The following EYS variants were observed in gnomAD, a reference collection of about 807,000 sequenced individuals.
EYS encodes protein eyes shut homolog.
In EYS, 250 loss-of-function variants were observed where a neutral mutation model predicts 282.1. That is an observed-to-expected ratio of 0.89 (90% CI 0.80 to 0.98). The LOEUF (loss-of-function observed/expected upper bound fraction) is 0.98. EYS is among the 50% of genes least tolerant of loss of function. EYS has a pLI of 0.00. For missense variants in EYS, 4,016 were observed against 3,709.0 expected (o/e 1.08, Z -2.15); for synonymous variants, 1,355 against 1,282.9 (o/e 1.06, Z -1.20).
intron 26 of EYS, among the ~76,000 whole-genome samples, chr6:64,518,310 C>T (rs1291175723): frequency 1.3e-5 from 2 of 151,644 alleles, no homozygotes; most frequent in Non-Finnish European, 2.9e-5. Flanking sequence ...GTTCAGACTC[C>T]TTCTGTACCC....
intron 1 of EYS, among the ~76,000 whole-genome samples, chr6:65,640,214 G>A (rs1430129772): frequency 6.6e-6 from 1 of 152,064 alleles, no homozygotes; most frequent in Non-Finnish European, 1.5e-5. Context: ...CCATTCCATT[G>A]TATTTTAAAC....
intron 12 of EYS, among the ~76,000 whole-genome samples, chr6:65,146,955 C>T (rs899110365): frequency 6.6e-6 from 1 of 151,932 alleles, no homozygotes; most frequent in Non-Finnish European, 1.5e-5. Flanking sequence ...TTTCATGTGA[C>T]TCATTGTCAT....
chr6:65,032,669 ATC>A (rs952594459), intron 13 of EYS, among the ~76,000 whole-genome samples: 2 of 151,824 alleles, frequency 1.3e-5, no homozygotes, highest in African/African-American at 4.8e-5. Context: ...CTAATGAAAT[ATC>A]TCTCTCTTTT....
At chr6:65,427,196 T>A (rs1396534653) in intron 5 of EYS, among the ~76,000 whole-genome samples, 1 of 152,094 alleles carries the variant, frequency 6.6e-6, no homozygotes, top group Non-Finnish European at 1.5e-5. Flanking sequence ...CTTCACTTTT[T>A]CTTCAGGAGC....
intron 41 of EYS, among the ~76,000 whole-genome samples, chr6:63,743,019 T>C (rs560714731): frequency 6.6e-6 from 1 of 152,346 alleles, no homozygotes; most frequent in South Asian, 2.1e-4. Context: ...GTATGGTTAA[T>C]GTATGTTTTG....
intron 5 of EYS, among the ~76,000 whole-genome samples, chr6:65,422,827 T>C (rs550228784): frequency 2.6e-5 from 4 of 151,866 alleles, no homozygotes; most frequent in Non-Finnish European, 4.4e-5. Context: ...TATATACATA[T>C]ATACACACAT....
intron 12 of EYS, among the ~76,000 whole-genome samples, chr6:65,250,332 A>C (rs1252108146): frequency 2.6e-5 from 4 of 152,000 alleles, no homozygotes; most frequent in African/African-American, 7.2e-5. Flanking sequence ...ATTTGGCTAA[A>C]AAAAAATAAG....
chr6:63,723,645 A>G (rs1432785152), intron 42 of EYS, among the ~76,000 whole-genome samples: 1 of 152,068 alleles, frequency 6.6e-6, no homozygotes. Context: ...CTCAGCTAGT[A>G]TGTTCTTACG....
intron 16 of EYS, among the ~76,000 whole-genome samples, chr6:64,908,901 G>A (rs769121539): frequency 7.9e-5 from 12 of 152,182 alleles, no homozygotes; most frequent in Middle Eastern, 3.4e-3. Context: ...AGAGGAAAGC[G>A]CACCAAACAG....
intron 19 of EYS, among the ~76,000 whole-genome samples, chr6:64,838,467 A>G (rs968030290): frequency 1.3e-5 from 2 of 151,912 alleles, no homozygotes; most frequent in African/African-American, 4.8e-5. Context: ...ATGAGAGTAA[A>G]ACAGTGCACA....
chr6:64,702,060 T>C (rs1458573509), intron 22 of EYS, among the ~76,000 whole-genome samples: 1 of 151,576 alleles, frequency 6.6e-6, no homozygotes, highest in African/African-American at 2.4e-5. Context: ...TGGTTTTCAA[T>C]AACAAAAAAC....
intron 5 of EYS, among the ~76,000 whole-genome samples, chr6:65,439,212 T>C (rs1470654007): frequency 2.0e-5 from 3 of 152,316 alleles, no homozygotes; most frequent in Non-Finnish European, 2.9e-5. Flanking sequence ...CATTGGTCTA[T>C]ATCTCTGTTT....
chr6:64,258,893 T>C (rs531918497), intron 30 of EYS, among the ~76,000 whole-genome samples: 2 of 152,074 alleles, frequency 1.3e-5, no homozygotes, highest in South Asian at 4.1e-4. Context: ...CAGCCAAATA[T>C]CTAGATGGAA....
At chr6:64,718,488 G>A (rs1189870010) in intron 22 of EYS, among the ~76,000 whole-genome samples, 1 of 152,010 alleles carries the variant, frequency 6.6e-6, no homozygotes, top group South Asian at 2.1e-4. Context: ...TAATGTATAT[G>A]CAATGCACTT....
intron 30 of EYS, among the ~76,000 whole-genome samples, chr6:64,232,720 G>A (rs760779710): frequency 6.6e-6 from 1 of 152,042 alleles, no homozygotes; most frequent in South Asian, 2.1e-4. Context: ...AAGAACAATA[G>A]CAGTGAAATA....
At chr6:63,770,017 T>C (rs1380228126) in intron 40 of EYS, among the ~76,000 whole-genome samples, 1 of 151,990 alleles carries the variant, frequency 6.6e-6, no homozygotes, top group South Asian at 2.1e-4. Context: ...GAAAACATGG[T>C]CTTGTTCCCC....
At chr6:65,246,038 G>A (rs1767171458) in intron 12 of EYS, among the ~76,000 whole-genome samples, 1 of 152,018 alleles carries the variant, frequency 6.6e-6, no homozygotes. Context: ...ACAGTAGACA[G>A]GAAGGGCAAT....
intron 14 of EYS, among the ~76,000 whole-genome samples, chr6:64,969,547 G>A (rs1334578927): frequency 1.3e-5 from 2 of 152,046 alleles, no homozygotes; most frequent in Non-Finnish European, 2.9e-5. Flanking sequence ...TAAAAAATGA[G>A]GGCCAGGTCC....
At position 65,378,255 on chromosome 6, in the gene EYS, A is replaced by T. The variant is rs145650152; in HGVS notation, c.1299+6131T>A. ...AACAGGCACTTCTCCAAAAGAAGACATTTATGCAGTCAACAAACATATGAA... is the reference window on the plus strand; with the variant it reads ...AACAGGCACTTCTCCAAAAGAAGACTTTTATGCAGTCAACAAACATATGAA... On this transcript the variant is annotated intron_variant, in intron 8 of 42. Coordinates refer to ENST00000503581, the MANE Select transcript of EYS (RefSeq NM_001142800.2). Among the ~76,000 whole-genome samples the T allele has an allele frequency of 9.1e-4, 139 of 152,308 alleles. 1 individual carries two copies. The East Asian group carries it at 0.023, about 25-fold the overall frequency.
Sources: allele counts gnomAD v4.1 joint callset (sites outside exome capture counted in the v4.1 genomes callset), GRCh38; gene constraint gnomAD v4.1.1; transcripts MANE v1.5; gene names NCBI Gene and HGNC (gene_info 2026-07-23, HGNC 2026-07-21).